UBE3C: variants seen among roughly 807,000 people sequenced by gnomAD.
UBE3C encodes ubiquitin protein ligase E3C.
A neutral mutation model predicts 129.4 loss-of-function variants in UBE3C; 42 were observed. That is an observed-to-expected ratio of 0.32 (90% CI 0.25 to 0.42). The LOEUF (loss-of-function observed/expected upper bound fraction) is 0.42, where lower values mean the gene tolerates loss of function less well. UBE3C is among the 10% of genes least tolerant of loss of function. UBE3C has a pLI of 1.00. For synonymous variants in UBE3C, 510 were observed against 492.4 expected (o/e 1.04, Z -0.47); for missense variants, 1,049 against 1,319.1 (o/e 0.80, Z 3.17).
chr7:157,201,490 C>T (rs1306027726), intron 10 of UBE3C, among the ~76,000 whole-genome samples: 7 of 70,966 alleles, frequency 9.9e-5, no homozygotes, highest in Non-Finnish European at 1.3e-4. Context: ...GGAGGGAGGG[C>T]GGGCTTTCCT....
intron 5 of UBE3C, among the ~76,000 whole-genome samples, chr7:157,177,094 T>C (rs1007785028): frequency 1.3e-5 from 2 of 152,226 alleles, no homozygotes; most frequent in African/African-American, 4.8e-5. Context: ...TATTTCACTT[T>C]AGAAGAAACT....
At chr7:157,139,993 G>A (rs1807392967) in intron 1 of UBE3C, 6 of 985,440 alleles carry the variant, frequency 6.1e-6, no homozygotes, top group Non-Finnish European at 6.0e-6. Flanking sequence ...TACATCTGTT[G>A]TGATCGACAT....
chr7:157,268,624 C>G lies in UBE3C; in HGVS notation c.*869C>G, dbSNP rs1220116897. The G allele has an allele frequency of 6.6e-6, 1 of 152,662 alleles. No individual in the cohort carries two copies. The highest frequency in any genetic ancestry group is 2.4e-5 in the African/African-American group (1 of 41,468). 9.5% of individuals were successfully genotyped at this position (152,662 alleles called of 1,614,324 possible). On this transcript the variant is annotated 3_prime_UTR_variant, in exon 23 of 23. Transcript: ENST00000348165. ...TTGTCCCGATGCTAGCCGTGCCGGT[C>G]TCCCATCATCCGCTCGCCCTCCTTT...
chr7:157,174,040 T>C (rs1406419035), intron 4 of UBE3C, among the ~76,000 whole-genome samples: 8 of 152,198 alleles, frequency 5.3e-5, no homozygotes, highest in Non-Finnish European at 1.2e-4. Flanking sequence ...GACAAGGCTA[T>C]GTGGCGTATT....
chr7:157,205,397 A>G (rs1017524440), intron 11 of UBE3C, among the ~76,000 whole-genome samples: 1 of 151,902 alleles, frequency 6.6e-6, no homozygotes, highest in African/African-American at 2.4e-5. Context: ...TGCATAACTG[A>G]TGATGTGTTG....
At chr7:157,254,426 T>A in intron 21 of UBE3C, 116 bp downstream of exon 21, 1 of 529,606 alleles carries the variant, frequency 1.9e-6, no homozygotes, top group Non-Finnish European at 2.6e-6. Context: ...AGACTGAGTT[T>A]CACTCTTGTC....
At chr7:157,226,240 A>G (rs1344437351) in intron 17 of UBE3C, among the ~76,000 whole-genome samples, 1 of 152,166 alleles carries the variant, frequency 6.6e-6, no homozygotes, top group African/African-American at 2.4e-5. Flanking sequence ...ATTGCAATCC[A>G]AGTTTCTTAT....
chr7:157,160,289 G>T (rs994480196), intron 1 of UBE3C, among the ~76,000 whole-genome samples: 1 of 152,112 alleles, frequency 6.6e-6, no homozygotes, highest in Non-Finnish European at 1.5e-5. Flanking sequence ...AGGTCAGGCT[G>T]GTCTCGAACT....
Position 157,267,791 on chromosome 7 carries a change from G to A in UBE3C, c.*36G>A. The A allele has an allele frequency of 6.6e-7, 1 of 1,515,112 alleles. No individual in the cohort carries two copies. The highest frequency in any genetic ancestry group is 1.4e-5 in the African/African-American group (1 of 70,562). 93.9% of individuals were successfully genotyped at this position (1,515,112 alleles called of 1,614,324 possible). A position where few individuals can be genotyped will look rare whatever the true frequency, so the allele number is the denominator to read the frequency against. ...GGGGTCAGACCCCTACAGAGAACCA[G>A]TGCTTCCTTCGTCAGCAGCGCCTCC... On this transcript the variant is annotated 3_prime_UTR_variant, in exon 23 of 23. Transcript: ENST00000348165.
chr7:157,266,877 G>A (rs1450000980), intron 22 of UBE3C, among the ~76,000 whole-genome samples: 1 of 151,996 alleles, frequency 6.6e-6, no homozygotes, highest in African/African-American at 2.4e-5. Context: ...TGGGAGTATA[G>A]GGGCAGACCA....
At chr7:157,140,853 C>T (rs1807424949) in intron 1 of UBE3C, among the ~76,000 whole-genome samples, 1 of 152,198 alleles carries the variant, frequency 6.6e-6, no homozygotes. Context: ...AGAATCACCC[C>T]TTTAAAAACA....
intron 18 of UBE3C, among the ~76,000 whole-genome samples, chr7:157,243,729 C>A (rs1294445654): frequency 6.6e-6 from 1 of 152,148 alleles, no homozygotes; most frequent in East Asian, 1.9e-4. Flanking sequence ...TTGTGAAGAT[C>A]TAGGACTTGA....
chr7:157,186,765 A>G (rs1202056218), intron 9 of UBE3C, 69 bp from the exon 10 acceptor site: 4 of 1,540,512 alleles, frequency 2.6e-6, no homozygotes, highest in East Asian at 2.3e-5. Context: ...GATTTCGTAT[A>G]TGTTTGTAGT....
At chr7:157,211,401 ATT>A (rs1440571039) in intron 13 of UBE3C, among the ~76,000 whole-genome samples, 1 of 152,146 alleles carries the variant, frequency 6.6e-6, no homozygotes, top group East Asian at 1.9e-4. Flanking sequence ...ATTTTGATTG[ATT>A]TTGTTTTTGT....
At chr7:157,263,612 C>T (rs1026843414) in intron 22 of UBE3C, among the ~76,000 whole-genome samples, 5 of 149,326 alleles carry the variant, frequency 3.3e-5, no homozygotes, top group African/African-American at 9.9e-5. Flanking sequence ...TGCAGTGAGC[C>T]GAGATTGTGC....
intron 18 of UBE3C, among the ~76,000 whole-genome samples, chr7:157,237,103 A>G (rs948401470): frequency 6.6e-6 from 1 of 152,182 alleles, no homozygotes; most frequent in Non-Finnish European, 1.5e-5. Flanking sequence ...TTCTACAGTT[A>G]AAATGGGAGA....
intron 10 of UBE3C, among the ~76,000 whole-genome samples, chr7:157,191,257 A>ATG (rs1216441556): frequency 6.6e-6 from 1 of 151,914 alleles, no homozygotes; most frequent in Non-Finnish European, 1.5e-5. Flanking sequence ...GCGCGTGTGT[A>ATG]TGTGTGTGTG....
In UBE3C at chr7:157,265,967, C is replaced by T. The variant is rs2116722985; in HGVS notation, c.3082-1618C>T. On this transcript the variant is annotated intron_variant, in intron 22 of 22. Transcript: ENST00000348165. ...CACAAGCAAGCCACTTTTCATCATG[C>T]ATTTGGTCTATAGATGTTCTACCTC... Among the ~76,000 whole-genome samples the T allele has an allele frequency of 2.0e-5, 3 of 152,294 alleles. No individual in the cohort carries two copies. The South Asian group carries it at 6.2e-4, about 32-fold the overall frequency.
At chr7:157,139,377 C>G (rs1807358429) in intron 1 of UBE3C, 39 bp downstream of exon 1, 2 of 1,515,210 alleles carry the variant, frequency 1.3e-6, no homozygotes, top group African/African-American at 1.4e-5. Context: ...GGCTCGGGGC[C>G]TGCGCGGCCG....
Sources: allele counts gnomAD v4.1 joint callset (sites outside exome capture counted in the v4.1 genomes callset), GRCh38; gene constraint gnomAD v4.1.1; transcripts MANE v1.5; gene names NCBI Gene and HGNC (gene_info 2026-07-23, HGNC 2026-07-21).